The following RBFOX1 variants were observed in gnomAD, a reference collection of about 807,000 sequenced individuals.
The protein encoded by RBFOX1 is RNA binding fox-1 homolog 1.
Under a neutral mutation model 57.7 loss-of-function variants are expected in RBFOX1, and 8 were observed. The ratio of observed to expected loss-of-function variants is 0.14; its 90% CI spans 0.08 to 0.25. RBFOX1 has a LOEUF of 0.25. Ranked by LOEUF, RBFOX1 falls within the 10% of genes least tolerant of loss-of-function variation. The probability of loss-of-function intolerance (pLI) is 1.00; values close to 1 mark genes in which losing one functional copy is unlikely to be tolerated. For missense variants in RBFOX1, 611 were observed against 548.5 expected (o/e 1.11, Z -1.14); for synonymous variants, 326 against 222.4 (o/e 1.47, Z -4.15).
rs117028713 is a variant in RBFOX1 at position 5,616,962 on chromosome 16, C to T, written c.318+18001C>T. ...TTTTAATTAAATAGATACTTATTGG[C>T]AGTACCCTTATTTGTTCCAAGTGAA... On this transcript the variant is annotated intron_variant, in intron 3 of 19. Coordinates refer to the RBFOX1 transcript ENST00000641259. Among the ~76,000 whole-genome samples, 1,052 of 148,862 alleles carry T rather than the reference C, an allele frequency of 7.1e-3. 7 individuals are homozygous for T. Among genetic ancestry groups the T allele is most frequent in the Non-Finnish European group, 0.012 (791 of 67,636 alleles).
intron 4 of RBFOX1, among the ~76,000 whole-genome samples, chr16:7,398,852 G>A (rs987126039): frequency 7.9e-5 from 12 of 152,188 alleles, no homozygotes; most frequent in African/African-American, 1.9e-4. Context: ...TGTAATCCTT[G>A]TACTAAAGTG....
chr16:6,928,925 G>A (rs1008479775), intron 3 of RBFOX1, among the ~76,000 whole-genome samples: 1 of 152,014 alleles, frequency 6.6e-6, no homozygotes, highest in Non-Finnish European at 1.5e-5. Flanking sequence ...CAGATATGGG[G>A]GCTTCAAGTC....
intron 1 of RBFOX1, among the ~76,000 whole-genome samples, chr16:5,347,016 A>G (rs903754140): frequency 6.6e-6 from 1 of 151,382 alleles, no homozygotes; most frequent in African/African-American, 2.4e-5. Context: ...TTGCTAACAC[A>G]CCTACTTGGC....
chr16:7,149,404 A>C lies in RBFOX1; in HGVS notation c.27+97306A>C, dbSNP rs2075684262. ...CCCCCACTCCATTCCCACTGGTGAG[A>C]GACTTTTGCTTAAGACCACTGTCTT... On this transcript the variant is annotated intron_variant, in intron 4 of 15. Coordinates refer to ENST00000550418, the MANE Select transcript of RBFOX1 (RefSeq NM_018723.4). Among the ~76,000 whole-genome samples, 3 of 151,728 alleles carry C rather than the reference A, an allele frequency of 2.0e-5. No individual in the cohort carries two copies. The South Asian group carries it at 6.3e-4, about 32-fold the overall frequency.
At chr16:5,544,951 CTTTTTTTTTTTTTTTTTTTTTTTTTTT>C (rs59873374) in intron 2 of RBFOX1, among the ~76,000 whole-genome samples, 2 of 124,362 alleles carry the variant, frequency 1.6e-5, no homozygotes, top group African/African-American at 6.9e-5. Flanking sequence ...CTATTACATT[CTTTTTTTTTTTTTTTTTTTTTTTTTTT>C]TTTTTTTTTT....
chr16:5,434,197 T>C (rs893796036), intron 1 of RBFOX1, among the ~76,000 whole-genome samples: 2 of 151,874 alleles, frequency 1.3e-5, no homozygotes, highest in African/African-American at 4.8e-5. Context: ...TCATTTGCTG[T>C]GCAAATCAAG....
intron 1 of RBFOX1, among the ~76,000 whole-genome samples, chr16:6,103,850 C>T (rs12924897): frequency 0.67 from 101,545 of 152,012 alleles, 34,967 homozygotes; most frequent in African/African-American, 0.83. Flanking sequence ...GAGGTCCACC[C>T]GCCACAGGGT....
At chr16:5,975,812 G>A (rs879500681) in intron 4 of RBFOX1, among the ~76,000 whole-genome samples, 11 of 152,092 alleles carry the variant, frequency 7.2e-5, no homozygotes, top group Non-Finnish European at 1.5e-4. Context: ...AATGGCTAGC[G>A]CTCGACATAT....
intron 13 of RBFOX1, among the ~76,000 whole-genome samples, chr16:7,675,523 T>C (rs767062433): frequency 6.6e-6 from 1 of 152,202 alleles, no homozygotes; most frequent in East Asian, 1.9e-4. Context: ...CTCGTTTCTT[T>C]GAATTGCTGT....
chr16:6,250,534 C>A (rs969246072), intron 1 of RBFOX1, among the ~76,000 whole-genome samples: 3 of 152,134 alleles, frequency 2.0e-5, no homozygotes, highest in African/African-American at 7.2e-5. Context: ...CCCTTAGCTC[C>A]TTATCTGTGG....
At chr16:5,442,440 C>T (rs575932912) in intron 1 of RBFOX1, among the ~76,000 whole-genome samples, 32 of 152,270 alleles carry the variant, frequency 2.1e-4, no homozygotes, top group African/African-American at 7.2e-4. Context: ...ACTGTGGTTG[C>T]TATGGGGAAA....
At chr16:5,644,877 C>T (rs73529733) in intron 3 of RBFOX1, among the ~76,000 whole-genome samples, 1,597 of 152,180 alleles carry the variant, frequency 0.01, 29 homozygotes, top group African/African-American at 0.036. Context: ...GTCTGAATAC[C>T]TGTTTTTAAT....
intron 4 of RBFOX1, among the ~76,000 whole-genome samples, chr16:7,068,074 C>G (rs544415331): frequency 2.3e-4 from 35 of 151,426 alleles, no homozygotes; most frequent in African/African-American, 8.0e-4. Flanking sequence ...ATCTGTCGGA[C>G]TGGTTTCTCT....
intron 2 of RBFOX1, among the ~76,000 whole-genome samples, chr16:6,328,991 C>T (rs2082694219): frequency 1.3e-5 from 2 of 152,178 alleles, no homozygotes; most frequent in African/African-American, 2.4e-5. Context: ...AAATCAGCAG[C>T]TGGTTCTGAA....
chr16:5,322,051 GC>G (rs2151251590), intron 1 of RBFOX1, among the ~76,000 whole-genome samples: 2 of 152,254 alleles, frequency 1.3e-5, no homozygotes, highest in Admixed American at 1.3e-4. Flanking sequence ...GGCTTAGGGG[GC>G]TTTAGCATGT....
chr16:6,256,810 G>C (rs1490989918), intron 1 of RBFOX1, among the ~76,000 whole-genome samples: 1 of 152,072 alleles, frequency 6.6e-6, no homozygotes, highest in African/African-American at 2.4e-5. Context: ...AATCACCTTT[G>C]GTTGAGAAAC....
chr16:7,235,898 T>C (rs547939338), intron 4 of RBFOX1, among the ~76,000 whole-genome samples: 4 of 151,966 alleles, frequency 2.6e-5, no homozygotes, highest in African/African-American at 9.7e-5. Context: ...TTGATCACTG[T>C]CTCCTTGCCC....
intron 5 of RBFOX1, among the ~76,000 whole-genome samples, chr16:7,527,782 C>G (rs2079033281): frequency 6.6e-6 from 1 of 152,100 alleles, no homozygotes; most frequent in South Asian, 2.1e-4. Context: ...ATCGACCATC[C>G]TAATTATGAA....
chr16:5,439,228 C>G (rs1429218235), intron 1 of RBFOX1, among the ~76,000 whole-genome samples: 1 of 151,810 alleles, frequency 6.6e-6, no homozygotes, highest in Non-Finnish European at 1.5e-5. Flanking sequence ...GTGAGTCATT[C>G]CAGGAAGGGA....
Sources: gnomAD v4.1 joint callset for allele counts (sites outside exome capture counted in the v4.1 genomes callset) on GRCh38, gnomAD v4.1.1 for gene constraint, MANE v1.5 for transcripts, NCBI Gene and HGNC (gene_info 2026-07-23, HGNC 2026-07-21) for gene names.